The following FHIT variants were observed in gnomAD, a reference collection of about 807,000 sequenced individuals.
FHIT encodes fragile histidine triad diadenosine triphosphatase, also known as bis(5'-adenosyl)-triphosphatase.
FHIT carries 19 observed loss-of-function variants against 17.9 expected under a neutral mutation model. The ratio of observed to expected loss-of-function variants is 1.06; its 90% CI spans 0.74 to 1.56. The LOEUF (loss-of-function observed/expected upper bound fraction) is 1.56, where lower values mean the gene tolerates loss of function less well. Among genes scored for constraint, FHIT ranks in the 40% most tolerant of loss-of-function variants. The pLI, the probability that FHIT is intolerant of heterozygous loss-of-function variation, is 0.00. For missense variants in FHIT, 248 were observed against 189.2 expected, an observed-to-expected ratio of 1.31 and a Z score of -1.82; for synonymous variants, 81 against 69.7, an observed-to-expected ratio of 1.16 and a Z score of -0.81.
At chr3:61,097,411 C>G (rs903357805) in intron 2 of FHIT, among the ~76,000 whole-genome samples, 3 of 152,132 alleles carry the variant, frequency 2.0e-5, no homozygotes, top group Admixed American at 2.0e-4. Context: ...TGAATATACA[C>G]ATGCATGTGT....
At position 61,134,379 on chromosome 3, in the gene FHIT, T is replaced by C. The variant is rs575156799; in HGVS notation, c.-164+66238A>G. 2.0e-5 allele frequency among the ~76,000 whole-genome samples: 3 copies of C among 152,302 alleles called. No homozygotes were observed. The South Asian group carries it at 6.2e-4, about 32-fold the overall frequency. The stretch of plus-strand genomic sequence containing the variant: ...AATAATTATTCATTCAATAAGTATT[T>C]GTTGAGCTTCTACTATGGTCCAAGC... On this transcript the variant is annotated intron_variant, in intron 2 of 9. Coordinates refer to ENST00000492590, the MANE Select transcript of FHIT (RefSeq NM_002012.4).
intron 8 of FHIT, among the ~76,000 whole-genome samples, chr3:59,756,947 T>A (rs1701250020): frequency 6.6e-6 from 1 of 152,194 alleles, no homozygotes; most frequent in Admixed American, 6.5e-5. Flanking sequence ...GTGTCATAGT[T>A]TAATTGGCAG....
rs536926485 is a variant in FHIT, at chr3:60,312,313, A to T, written c.103+224547T>A. Reference sequence around the variant, plus strand: ...ATCATGCCTGGCTGATTTTTTTTAAAAATTTTTTTGTACAGACAAGGTCTC... The same window carrying T: ...ATCATGCCTGGCTGATTTTTTTTAATAATTTTTTTGTACAGACAAGGTCTC... On this transcript the variant is annotated intron_variant, in intron 5 of 9. Transcript: ENST00000492590. 1.7e-3 allele frequency among the ~76,000 whole-genome samples: 259 copies of T among 151,818 alleles called. 3 individuals are homozygous for T. The highest frequency in any genetic ancestry group is 5.6e-3 in the African/African-American group (230 of 41,260).
chr3:60,458,274 C>T (rs1350200675), intron 5 of FHIT, among the ~76,000 whole-genome samples: 2 of 152,066 alleles, frequency 1.3e-5, no homozygotes, highest in Non-Finnish European at 2.9e-5. Context: ...GAGTTCATGT[C>T]CTTTGTAGGG....
intron 2 of FHIT, among the ~76,000 whole-genome samples, chr3:61,164,026 A>C (rs558199423): frequency 6.6e-6 from 1 of 152,176 alleles, no homozygotes; most frequent in South Asian, 2.1e-4. Context: ...TCCTATTATA[A>C]ATCAGAAAAA....
At chr3:60,570,568 C>G (rs1002527965) in intron 4 of FHIT, among the ~76,000 whole-genome samples, 6 of 151,914 alleles carry the variant, frequency 3.9e-5, no homozygotes, top group African/African-American at 1.2e-4. Context: ...AAGTGCCACC[C>G]CTTTGTGAAA....
chr3:60,377,220 T>TA (rs1478097219), intron 5 of FHIT, among the ~76,000 whole-genome samples: 1 of 146,946 alleles, frequency 6.8e-6, no homozygotes, highest in Admixed American at 6.8e-5. Context: ...TTTTTTTTTT[T>TA]AATGGAGTTT....
chr3:59,989,866 G>A (rs1181026825), intron 7 of FHIT, among the ~76,000 whole-genome samples: 1 of 152,056 alleles, frequency 6.6e-6, no homozygotes, highest in Non-Finnish European at 1.5e-5. Context: ...TAGACAGACA[G>A]ATAAAGAGGA....
chr3:60,844,592 C>T (rs1026881675), intron 3 of FHIT, among the ~76,000 whole-genome samples: 1 of 152,070 alleles, frequency 6.6e-6, no homozygotes, highest in Admixed American at 6.6e-5. Context: ...TTATATAAAT[C>T]AATTCTTTCT....
At chr3:60,567,614 A>G (rs951751716) in intron 4 of FHIT, among the ~76,000 whole-genome samples, 7 of 152,234 alleles carry the variant, frequency 4.6e-5, no homozygotes, top group African/African-American at 4.8e-5. Flanking sequence ...ATGGGATCTA[A>G]TTAAACTAAA....
At chr3:60,631,702 C>T (rs532658742) in intron 4 of FHIT, among the ~76,000 whole-genome samples, 2 of 152,314 alleles carry the variant, frequency 1.3e-5, no homozygotes, top group Admixed American at 1.3e-4. Flanking sequence ...CTCAGTCCAT[C>T]CACCGCCACC....
chr3:60,183,439 T>C (rs1283995426), intron 5 of FHIT, among the ~76,000 whole-genome samples: 1 of 151,658 alleles, frequency 6.6e-6, no homozygotes, highest in African/African-American at 2.4e-5. Flanking sequence ...AAAATAAAAG[T>C]GGTATGATGG....
At chr3:60,158,465 C>T (rs907736060) in intron 5 of FHIT, among the ~76,000 whole-genome samples, 2 of 152,146 alleles carry the variant, frequency 1.3e-5, no homozygotes, top group African/African-American at 4.8e-5. Context: ...GCACCTGCCA[C>T]CAGGCCTAGC....
chr3:60,620,788 CAT>C (rs1553678186), intron 4 of FHIT, among the ~76,000 whole-genome samples: 1 of 152,072 alleles, frequency 6.6e-6, no homozygotes, highest in African/African-American at 2.4e-5. Context: ...TGAACCATAA[CAT>C]AACCTACAGA....
chr3:60,225,921 G>A (rs1244995301), intron 5 of FHIT, among the ~76,000 whole-genome samples: 1 of 152,112 alleles, frequency 6.6e-6, no homozygotes, highest in Non-Finnish European at 1.5e-5. Flanking sequence ...CATACCAAAG[G>A]GAAAACAGTC....
chr3:60,964,607 A>G (rs1451731494), intron 3 of FHIT, among the ~76,000 whole-genome samples: 4 of 151,960 alleles, frequency 2.6e-5, no homozygotes, highest in African/African-American at 9.7e-5. Flanking sequence ...TTCCTTCAGG[A>G]GCTCTTGTAA....
intron 3 of FHIT, among the ~76,000 whole-genome samples, chr3:60,849,379 T>A (rs562195475): frequency 6.6e-6 from 1 of 150,968 alleles, no homozygotes; most frequent in Non-Finnish European, 1.5e-5. Context: ...GACATCTACC[T>A]CTCAACCCAA....
At chr3:60,010,240 C>T (rs189775728) in intron 7 of FHIT, among the ~76,000 whole-genome samples, 1 of 152,164 alleles carries the variant, frequency 6.6e-6, no homozygotes, top group Non-Finnish European at 1.5e-5. Context: ...TATTTAGAGC[C>T]TCACATGGAG....
intron 2 of FHIT, among the ~76,000 whole-genome samples, chr3:61,126,757 C>T (rs886780362): frequency 2.0e-5 from 3 of 152,044 alleles, no homozygotes; most frequent in South Asian, 2.1e-4. Context: ...AAACAAAGCC[C>T]GGAAGGAGCG....
Sources: gnomAD v4.1 joint callset for allele counts (sites outside exome capture counted in the v4.1 genomes callset) on GRCh38, gnomAD v4.1.1 for gene constraint, MANE v1.5 for transcripts, NCBI Gene and HGNC (gene_info 2026-07-23, HGNC 2026-07-21) for gene names.